Variants in OLFM2 observed in about 807,000 individuals in gnomAD.
OLFM2 encodes the protein olfactomedin 2.
In OLFM2, 20 loss-of-function variants were observed where a neutral mutation model predicts 43.9. That is an observed-to-expected ratio of 0.46 (90% CI 0.32 to 0.66). OLFM2 has a LOEUF of 0.66. Among genes scored for constraint, OLFM2 ranks in the 30% least tolerant of loss-of-function variants. OLFM2 has a pLI of 0.04. For missense variants in OLFM2, 416 were observed against 643.6 expected (o/e 0.65, Z 3.83); for synonymous variants, 268 against 278.6 (o/e 0.96, Z 0.38).
intron 1 of OLFM2, among the ~76,000 whole-genome samples, chr19:9,907,018 G>C (rs1381465053): frequency 6.6e-6 from 1 of 152,168 alleles, no homozygotes; most frequent in Non-Finnish European, 1.5e-5. Context: ...GCCGGGGAGG[G>C]GGAATGGTGC....
At chr19:9,913,404 C>T (rs942846775) in intron 1 of OLFM2, 5 of 878,494 alleles carry the variant, frequency 5.7e-6, no homozygotes, top group African/African-American at 3.6e-5. Context: ...GTGGGGGCCC[C>T]GGGGGCTGCG....
chr19:9,935,152 T>C (rs1190864620), intron 1 of OLFM2, among the ~76,000 whole-genome samples: 1 of 152,158 alleles, frequency 6.6e-6, no homozygotes, highest in Non-Finnish European at 1.5e-5. Context: ...CATGCTCTAG[T>C]AGGGAGGAGG....
At chr19:9,919,174 C>CTTTTTTTTTTT (rs201501920) in intron 1 of OLFM2, among the ~76,000 whole-genome samples, 2 of 123,152 alleles carry the variant, frequency 1.6e-5, no homozygotes, top group African/African-American at 6.0e-5. Context: ...TCATTTCTCT[C>CTTTTTTTTTTT]TCTTTTTTTT....
chr19:9,866,235 G>A (rs1279255784), intron 1 of OLFM2, among the ~76,000 whole-genome samples: 2 of 152,176 alleles, frequency 1.3e-5, no homozygotes, highest in Non-Finnish European at 2.9e-5. Flanking sequence ...GTTCAGATAT[G>A]CAGTTAATGC....
chr19:9,874,115 A>G (rs1370018372), intron 1 of OLFM2, among the ~76,000 whole-genome samples: 5 of 152,126 alleles, frequency 3.3e-5, no homozygotes, highest in Non-Finnish European at 5.9e-5. Context: ...ATCCATTACT[A>G]TTAACTAAAC....
At chr19:9,863,576 G>T (rs1438083191) in intron 1 of OLFM2, among the ~76,000 whole-genome samples, 1 of 151,884 alleles carries the variant, frequency 6.6e-6, no homozygotes, top group Non-Finnish European at 1.5e-5. Flanking sequence ...GTGTTTTACA[G>T]AGAAACAAAG....
chr19:9,881,149 G>A (rs1203606994), intron 1 of OLFM2, among the ~76,000 whole-genome samples: 3 of 152,160 alleles, frequency 2.0e-5, no homozygotes, highest in South Asian at 2.1e-4. Context: ...TGCCTGCCTC[G>A]GCCTCCCAAA....
rs888141560 is a variant in OLFM2, at chr19:9,913,775, G to A, written c.63+22529C>T. 1.4e-5 allele frequency: 9 copies of A among 662,392 alleles called. No homozygotes were observed. The Admixed American group carries it at 1.8e-4, about 13-fold the overall frequency. 41.0% of individuals were successfully genotyped at this position (662,392 alleles called of 1,614,324 possible). The stretch of plus-strand genomic sequence containing the variant: ...GCAGGGGGTCCGGGACGGGGTGAGG[G>A]GGGGCTCGGGGACGCGGGCTGCGGC... On this transcript the variant is annotated intron_variant, in intron 1 of 5. Transcript: ENST00000264833.
Position 9,913,251 on chromosome 19 carries a change from G to A in OLFM2, c.63+23053C>T, listed in dbSNP as rs561053735. ...TCATAATAATCAATAATAACAGCAAGAACCATCCTAAATGGCGCGGAGGTG... is the reference window on the plus strand; with the variant it reads ...TCATAATAATCAATAATAACAGCAAAAACCATCCTAAATGGCGCGGAGGTG... On this transcript the variant is annotated intron_variant, in intron 1 of 5. Transcript: ENST00000264833. Among the ~76,000 whole-genome samples, 14 of 152,252 alleles carry A rather than the reference G, an allele frequency of 9.2e-5. No homozygotes were observed. The East Asian group carries it at 2.7e-3, about 30-fold the overall frequency.
Position 9,854,965 on chromosome 19 carries a change from A to G in OLFM2, c.688-102T>C, listed in dbSNP as rs143369005. The G allele has an allele frequency of 4.6e-4, 406 of 880,386 alleles. No homozygotes were observed. The African/African-American group carries it at 6.4e-3, about 14-fold the overall frequency. The allele number at this position is 880,386 out of a possible 1,614,324, so 54.5% of individuals were successfully genotyped here. A position where few individuals can be genotyped will look rare whatever the true frequency, so the allele number is the denominator to read the frequency against. ...AGAGTTCAACAGTCACTAAGTGGTC[A>G]TTAGTCATGGGAACTCTGTTGACCA... is the stretch of plus-strand genomic sequence containing the variant. On this transcript the variant is annotated intron_variant, in intron 5 of 5. Coordinates refer to ENST00000264833, the MANE Select transcript of OLFM2 (RefSeq NM_058164.4). The surrounding 1 kb of genome is among the most constrained non-coding windows in gnomAD (Gnocchi z 9.5).
intron 1 of OLFM2, among the ~76,000 whole-genome samples, chr19:9,921,749 T>C (rs1214770605): frequency 6.6e-6 from 1 of 151,672 alleles, no homozygotes; most frequent in Non-Finnish European, 1.5e-5. Flanking sequence ...CCTCCCAAAA[T>C]GCTAGGATTA....
At chr19:9,861,956 G>T (rs1278120621) in intron 1 of OLFM2, among the ~76,000 whole-genome samples, 1 of 151,900 alleles carries the variant, frequency 6.6e-6, no homozygotes, top group Non-Finnish European at 1.5e-5. Flanking sequence ...GGAGGCGGAG[G>T]TTGCAGTGAG....
rs573405023 is a variant in OLFM2, at chr19:9,869,091, T to C, written c.64-8297A>G. ...CTTAAAAACCTGAACAATCAGCATA[T>C]GGCCGGGCCATAAGTTTGGCTCCAA... On this transcript the variant is annotated intron_variant, in intron 1 of 5. Coordinates refer to ENST00000264833, the MANE Select transcript of OLFM2 (RefSeq NM_058164.4). Among the ~76,000 whole-genome samples, 7 of 149,134 alleles carry C rather than the reference T, an allele frequency of 4.7e-5. No individual in the cohort carries two copies. The South Asian group carries it at 1.5e-3, about 31-fold the overall frequency.
intron 1 of OLFM2, among the ~76,000 whole-genome samples, chr19:9,932,325 C>T (rs1011200781): frequency 1.3e-5 from 2 of 151,816 alleles, no homozygotes; most frequent in Non-Finnish European, 2.9e-5. Flanking sequence ...TCAGGTGGCA[C>T]GTGCCTGTAG....
rs543237752 is a variant in OLFM2, at chr19:9,860,607, T to A, written c.213+38A>T. On this transcript the variant is annotated intron_variant, in intron 2 of 5. Coordinates refer to ENST00000264833, the MANE Select transcript of OLFM2 (RefSeq NM_058164.4). ...GAGGGCGGGGTGAGAACTGGGAGATTTTCCCAGCTGCCCCCAGGGTACCTG... is the reference window on the plus strand; with the variant it reads ...GAGGGCGGGGTGAGAACTGGGAGATATTCCCAGCTGCCCCCAGGGTACCTG... 9.6e-6 allele frequency: 15 copies of A among 1,554,686 alleles called. No homozygotes were observed. The African/African-American group carries it at 1.6e-4, about 17-fold the overall frequency.
At chr19:9,862,937 C>T (rs1454464847) in intron 1 of OLFM2, among the ~76,000 whole-genome samples, 2 of 136,926 alleles carry the variant, frequency 1.5e-5, no homozygotes, top group African/African-American at 2.7e-5. Context: ...TGCAGTGAGC[C>T]GAGATCACAC....
At chr19:9,900,140 C>T (rs764873891) in intron 1 of OLFM2, among the ~76,000 whole-genome samples, 2 of 152,028 alleles carry the variant, frequency 1.3e-5, no homozygotes, top group Non-Finnish European at 2.9e-5. Flanking sequence ...CTTCCCTGGG[C>T]CGGTTAGGAG....
chr19:9,919,513 C>T (rs1381885300), intron 1 of OLFM2, among the ~76,000 whole-genome samples: 2 of 151,750 alleles, frequency 1.3e-5, no homozygotes, highest in Non-Finnish European at 2.9e-5. Flanking sequence ...GACAGAGTCT[C>T]GCTCTGTCAC....
intron 1 of OLFM2, among the ~76,000 whole-genome samples, chr19:9,930,382 G>C (rs532322950): frequency 4.4e-4 from 67 of 151,476 alleles, no homozygotes; most frequent in Non-Finnish European, 6.8e-4. Flanking sequence ...ATTTTTTTGG[G>C]GGGCATACCC....
Sources: gnomAD v4.1 joint callset for allele counts (sites outside exome capture counted in the v4.1 genomes callset) on GRCh38, gnomAD v4.1.1 for gene constraint, Gnocchi (gnomAD v3.1) non-coding constraint, MANE v1.5 for transcripts, NCBI Gene and HGNC (gene_info 2026-07-23, HGNC 2026-07-21) for gene names.